The following NCOR1 variants were observed in gnomAD, a reference collection of about 807,000 sequenced individuals.
The protein encoded by NCOR1 is protein phosphatase 1, regulatory subunit 109.
NCOR1 carries 63 observed loss-of-function variants against 288.1 expected under a neutral mutation model. The ratio of observed to expected loss-of-function variants is 0.22; its 90% CI spans 0.18 to 0.27. The LOEUF (loss-of-function observed/expected upper bound fraction) is 0.27, where lower values mean the gene tolerates loss of function less well. Ranked by LOEUF, NCOR1 falls within the 10% of genes least tolerant of loss-of-function variation. NCOR1 has a pLI of 1.00. For missense variants in NCOR1, 2,397 were observed against 3,019.2 expected (o/e 0.79, Z 4.83); for synonymous variants, 1,007 against 1,065.9 (o/e 0.94, Z 1.08).
chr17:16,056,381 C>T lies in NCOR1; in HGVS notation c.6392+1133G>A, dbSNP rs567673138. 3.0e-3 allele frequency among the ~76,000 whole-genome samples: 413 copies of T among 137,868 alleles called. 3 individuals are homozygous for T. The highest frequency in any genetic ancestry group is 0.01 in the African/African-American group (378 of 36,788). 90.4% of individuals were successfully genotyped at this position (137,868 alleles called of 152,430 possible). A position where few individuals can be genotyped will look rare whatever the true frequency, so the allele number is the denominator to read the frequency against. On this transcript the variant is annotated intron_variant, in intron 40 of 45. Transcript: ENST00000268712. ...AGGCTGCAGTGCAATGGCATGATCT[C>T]GGGTTCAAGTGATTCTTCCGCCCAG...
intron 3 of NCOR1, among the ~76,000 whole-genome samples, chr17:16,181,037 T>C (rs1401118772): frequency 6.6e-6 from 1 of 152,108 alleles, no homozygotes; most frequent in Non-Finnish European, 1.5e-5. Flanking sequence ...CACACGCCTG[T>C]AGTCCCAGCT....
chr17:16,039,309 C>G, intron 44 of NCOR1, 124 bp downstream of exon 44: 1 of 917,172 alleles, frequency 1.1e-6, no homozygotes, highest in South Asian at 1.7e-5. Context: ...AACGGAAACC[C>G]TAAGAGGTGA....
At position 16,134,931 on chromosome 17, in the gene NCOR1, G is replaced by A. The variant is rs149678324; in HGVS notation, c.1509+2380C>T. Among the ~76,000 whole-genome samples, 632 of 152,130 alleles carry A rather than the reference G, an allele frequency of 4.2e-3. 7 individuals are homozygous for A. The highest frequency in any genetic ancestry group is 0.015 in the African/African-American group (608 of 41,498). On this transcript the variant is annotated intron_variant, in intron 14 of 45. Coordinates refer to ENST00000268712, the MANE Select transcript of NCOR1 (RefSeq NM_006311.4). Reference sequence around the variant, plus strand: ...TCCCAGCACTTTGGGAGGCCGAGGCGGGCAGATCACGAGGTCAGGAGATCG... The same window carrying A: ...TCCCAGCACTTTGGGAGGCCGAGGCAGGCAGATCACGAGGTCAGGAGATCG...
chr17:16,064,047 A>C, intron 35 of NCOR1, 21 bp downstream of exon 35: 1 of 1,613,200 alleles, frequency 6.2e-7, no homozygotes, highest in Non-Finnish European at 8.5e-7. Context: ...AGAGAATGGA[A>C]GAGCAGTGCC....
intron 34 of NCOR1, among the ~76,000 whole-genome samples, chr17:16,064,614 C>CA (rs142023994): frequency 0.1 from 14,288 of 142,680 alleles, 845 homozygotes; most frequent in African/African-American, 0.19. Context: ...AAAACAAAAA[C>CA]AAAAAAAAAA....
chr17:16,051,027 T>TG (rs1394622065), intron 40 of NCOR1, among the ~76,000 whole-genome samples: 1 of 152,006 alleles, frequency 6.6e-6, no homozygotes, highest in Non-Finnish European at 1.5e-5. Context: ...TTTGTGGAGA[T>TG]GGGGTCTCAC....
chr17:16,121,001 C>A lies in NCOR1; in HGVS notation c.1852+51G>T, dbSNP rs771381804. The A allele has an allele frequency of 3.3e-6, 5 of 1,523,800 alleles. No homozygotes were observed. In the African/African-American group the frequency reaches 5.5e-5, roughly 17 times the overall value. The allele number at this position is 1,523,800 out of a possible 1,614,324, so 94.4% of individuals were successfully genotyped here. A position where few individuals can be genotyped will look rare whatever the true frequency, so the allele number is the denominator to read the frequency against. On this transcript the variant is annotated intron_variant, in intron 16 of 45. Coordinates refer to ENST00000268712, the MANE Select transcript of NCOR1 (RefSeq NM_006311.4). ...TTTCTACCCTATCCTAGCAGTGAAA[C>A]AGAATCCCGAACAAAATTATGGCCT...
intron 13 of NCOR1, chr17:16,137,726 T>C (rs1301373341): frequency 4.4e-6 from 1 of 228,196 alleles, no homozygotes; most frequent in Non-Finnish European, 8.3e-6. Context: ...TTTTAAAATG[T>C]CTTTAAATAT....
rs2061598544 is a variant in NCOR1 at position 16,070,268 on chromosome 17, T to C, written c.4410A>G (p.Gln1470=). The change falls in exon 31 of 46, where the codon CAA becomes CAG. Residue 1470 remains glutamine, a synonymous_variant. Transcript: ENST00000268712. ...RSTLHEAPKA[Q]LSPGIYDDTS... ...TGTCATCATAAATCCCAGGGCTCAG[T>C]TGTGCTTTGGGAGCTTCATGCAGTG... 2.5e-6 allele frequency: 4 copies of C among 1,614,008 alleles called. No individual in the cohort carries two copies. Among genetic ancestry groups the C allele is most frequent in the African/African-American group, 1.3e-5 (1 of 74,908 alleles).
intron 21 of NCOR1, among the ~76,000 whole-genome samples, chr17:16,093,738 T>A (rs1002942221): frequency 2.6e-5 from 4 of 152,214 alleles, no homozygotes; most frequent in Non-Finnish European, 5.9e-5. Context: ...TTCCTCCTTT[T>A]GCTATAACGC....
chr17:16,207,634 T>C (rs1255634591), intron 1 of NCOR1, among the ~76,000 whole-genome samples: 1 of 149,750 alleles, frequency 6.7e-6, no homozygotes, highest in South Asian at 2.1e-4. Context: ...CCAGCTACTC[T>C]GGAGGCTGAG....
At chr17:16,100,363 G>C (rs1407229168) in intron 20 of NCOR1, among the ~76,000 whole-genome samples, 2 of 152,160 alleles carry the variant, frequency 1.3e-5, no homozygotes, top group African/African-American at 4.8e-5. Flanking sequence ...GTAAACTGCA[G>C]GGAGCGGTGG....
chr17:16,118,862 A>C (rs1416879069), intron 17 of NCOR1, among the ~76,000 whole-genome samples: 1 of 152,224 alleles, frequency 6.6e-6, no homozygotes, highest in Admixed American at 6.5e-5. Context: ...AAAGTCCATA[A>C]AGTGCCAGAG....
In NCOR1 at chr17:16,034,855, G is replaced by A. The variant is rs1973854213; in HGVS notation, c.7045C>T (p.Arg2349Trp). The A allele has an allele frequency of 2.5e-6, 4 of 1,613,964 alleles. No individual in the cohort carries two copies. Among genetic ancestry groups the A allele is most frequent in the South Asian group, 2.2e-5 (2 of 91,082 alleles). The change falls in exon 45 of 46, where the codon CGG becomes TGG. Residue 2349 changes from arginine (R) to tryptophan (W), a missense_variant. Coordinates refer to ENST00000268712, the MANE Select transcript of NCOR1 (RefSeq NM_006311.4). ...IPGQGYLGTE[R>W]PSSVSSVHSE... ...TGTACAGAGGAGACTGAAGAGGGCCGTTCCGTTCCTAAGTAGCCTTGCCCA... is the reference window on the plus strand; with the variant it reads ...TGTACAGAGGAGACTGAAGAGGGCCATTCCGTTCCTAAGTAGCCTTGCCCA...
At chr17:16,138,241 T>A (rs374806255) in intron 12 of NCOR1, 29 bp from the exon 13 acceptor site, 12 of 1,578,584 alleles carry the variant, frequency 7.6e-6, no homozygotes, top group Non-Finnish European at 1.0e-5. Flanking sequence ...AAAAACACAC[T>A]TGCGTACAAA....
At chr17:16,204,527 T>G (rs2091254245) in intron 1 of NCOR1, among the ~76,000 whole-genome samples, 1 of 152,242 alleles carries the variant, frequency 6.6e-6, no homozygotes, top group African/African-American at 2.4e-5. Context: ...GTATCATATA[T>G]CCTGCGATAT....
intron 2 of NCOR1, among the ~76,000 whole-genome samples, chr17:16,192,956 C>T (rs914040971): frequency 2.6e-5 from 4 of 152,054 alleles, no homozygotes; most frequent in African/African-American, 9.7e-5. Flanking sequence ...TCCCATGAAG[C>T]TCAGAACGTA....
intron 15 of NCOR1, chr17:16,122,497 G>C (rs190613443): frequency 1.3e-5 from 2 of 152,032 alleles, no homozygotes; most frequent in South Asian, 2.1e-4. Flanking sequence ...AATTTTCCCC[G>C]CAAGTCTTTC....
At chr17:16,211,754 A>G (rs1423214505) in intron 1 of NCOR1, among the ~76,000 whole-genome samples, 3 of 152,196 alleles carry the variant, frequency 2.0e-5, no homozygotes, top group Non-Finnish European at 2.9e-5. Flanking sequence ...GGGGTAGGAA[A>G]AAAATGGTAG....
Sources: allele counts gnomAD v4.1 joint callset (sites outside exome capture counted in the v4.1 genomes callset), GRCh38; gene constraint gnomAD v4.1.1; transcripts MANE v1.5; gene names NCBI Gene and HGNC (gene_info 2026-07-23, HGNC 2026-07-21).